PRKAR2B: variants seen among roughly 807,000 people sequenced by gnomAD.
The protein encoded by PRKAR2B is protein kinase cAMP-dependent type II regulatory subunit beta, also known as cAMP-dependent protein kinase type II-beta regulatory subunit.
Under a neutral mutation model 49.9 loss-of-function variants are expected in PRKAR2B, and 14 were observed. That is an observed-to-expected ratio of 0.28 (90% CI 0.19 to 0.44). The LOEUF (loss-of-function observed/expected upper bound fraction) is 0.44, where lower values mean the gene tolerates loss of function less well. Ranked by LOEUF, PRKAR2B falls within the 20% of genes least tolerant of loss-of-function variation. The pLI is 1.00. For missense variants in PRKAR2B, 393 were observed against 537.9 expected (o/e 0.73, Z 2.67); for synonymous variants, 196 against 197.7 (o/e 0.99, Z 0.07).
chr7:107,088,591 TTATTTTATTTTA>T (rs1181176874), intron 2 of PRKAR2B, among the ~76,000 whole-genome samples: 12 of 152,158 alleles, frequency 7.9e-5, no homozygotes, highest in African/African-American at 2.9e-4. Flanking sequence ...CAGTTGGCTT[TTATTTTATTTTA>T]TATTTTATTT....
chr7:107,101,507 A>G (rs1177234965), intron 2 of PRKAR2B, among the ~76,000 whole-genome samples: 3 of 152,232 alleles, frequency 2.0e-5, no homozygotes, highest in Non-Finnish European at 2.9e-5. Context: ...ACTGCCTTCC[A>G]GGCAGCCACG....
rs369709209 is a variant in PRKAR2B, at chr7:107,128,193, A to G, written c.397-19A>G. 4.1e-5 allele frequency: 64 copies of G among 1,556,592 alleles called. No individual in the cohort carries two copies. The African/African-American group carries it at 8.0e-4, about 20-fold the overall frequency. ...GTATTGGCTAATGTCTTTGTTTTTT[A>G]AATCTGATGTCCTTTTAGATTATAC... On this transcript the variant is annotated intron_variant, in intron 3 of 10. Transcript: ENST00000265717.
chr7:107,050,729 C>T (rs1584400050), intron 1 of PRKAR2B, among the ~76,000 whole-genome samples: 2 of 152,078 alleles, frequency 1.3e-5, no homozygotes, highest in African/African-American at 4.8e-5. Context: ...TGGAGAATCA[C>T]AGAAAGTGCT....
At chr7:107,090,145 T>A (rs1404092219) in intron 2 of PRKAR2B, among the ~76,000 whole-genome samples, 1 of 152,162 alleles carries the variant, frequency 6.6e-6, no homozygotes, top group Non-Finnish European at 1.5e-5. Context: ...GGCAGGGGTG[T>A]GGTTCACAGA....
chr7:107,151,442 C>T (rs1795984228), intron 7 of PRKAR2B, among the ~76,000 whole-genome samples: 1 of 152,220 alleles, frequency 6.6e-6, no homozygotes, highest in South Asian at 2.1e-4. Context: ...GCATTCCAGG[C>T]CTCTGTCCTT....
At chr7:107,147,236 G>A (rs897052163) in intron 6 of PRKAR2B, among the ~76,000 whole-genome samples, 8 of 152,104 alleles carry the variant, frequency 5.3e-5, no homozygotes, top group African/African-American at 9.7e-5. Flanking sequence ...GCATGAACCC[G>A]GGAGGCGGAG....
At chr7:107,086,457 A>T (rs1012232973) in intron 2 of PRKAR2B, among the ~76,000 whole-genome samples, 28 of 151,872 alleles carry the variant, frequency 1.8e-4, no homozygotes, top group Admixed American at 9.9e-4. Flanking sequence ...GTTTTTTTTT[A>T]AATTAAAAGT....
intron 2 of PRKAR2B, among the ~76,000 whole-genome samples, chr7:107,071,404 C>T (rs1294373864): frequency 2.0e-5 from 3 of 152,174 alleles, no homozygotes; most frequent in African/African-American, 7.2e-5. Flanking sequence ...GGAATAACAT[C>T]TACTTTATCA....
intron 8 of PRKAR2B, among the ~76,000 whole-genome samples, chr7:107,155,387 C>T (rs957095935): frequency 1.3e-4 from 20 of 152,208 alleles, no homozygotes; most frequent in African/African-American, 4.8e-4. Flanking sequence ...AACCCCATCT[C>T]TAATAAAAAT....
chr7:107,126,606 C>G (rs1795500517), intron 3 of PRKAR2B, among the ~76,000 whole-genome samples: 2 of 152,036 alleles, frequency 1.3e-5, no homozygotes, highest in African/African-American at 2.4e-5. Flanking sequence ...CTCCTCTCCC[C>G]CCTTTCCTTT....
chr7:107,150,801 TATA>T, intron 6 of PRKAR2B, 118 bp from the exon 7 acceptor site: 2 of 583,182 alleles, frequency 3.4e-6, no homozygotes, highest in Non-Finnish European at 6.1e-6. Context: ...GCATTAAAAG[TATA>T]ATGATGTTAA....
At chr7:107,126,420 C>CCA (rs1795493991) in intron 3 of PRKAR2B, among the ~76,000 whole-genome samples, 2 of 38,392 alleles carry the variant, frequency 5.2e-5, no homozygotes, top group African/African-American at 1.0e-4. Context: ...GAATCTGTCT[C>CCA]AAAAAAAAAA....
chr7:107,053,564 GTGTGTC>G (rs1313144666), intron 1 of PRKAR2B, among the ~76,000 whole-genome samples: 2 of 148,252 alleles, frequency 1.3e-5, no homozygotes, highest in African/African-American at 5.1e-5. Flanking sequence ...GTGTGTGTGT[GTGTGTC>G]TTTTTTAAAA....
chr7:107,147,834 T>G (rs1440949394), intron 6 of PRKAR2B, among the ~76,000 whole-genome samples: 1 of 152,252 alleles, frequency 6.6e-6, no homozygotes, highest in Non-Finnish European at 1.5e-5. Flanking sequence ...GAAGTAAATA[T>G]GAAGTCTGTT....
In PRKAR2B at chr7:107,054,071, G is replaced by A. The variant is rs573373570; in HGVS notation, c.307+8857G>A. 5.3e-5 allele frequency among the ~76,000 whole-genome samples: 8 copies of A among 152,260 alleles called. No individual in the cohort carries two copies. The East Asian group carries it at 5.8e-4, about 11-fold the overall frequency. On this transcript the variant is annotated intron_variant, in intron 1 of 10. Coordinates refer to ENST00000265717, the MANE Select transcript of PRKAR2B (RefSeq NM_002736.3). ...AGTAGTAAATAAAACACAGTAGGCC[G>A]TGTGTGGTGGCTCACAGCCTGTAAT...
At position 107,159,852 on chromosome 7, in the gene PRKAR2B, T is replaced by G; in HGVS notation, c.*270T>G. The stretch of plus-strand genomic sequence containing the variant: ...TGACTGAAAGGTTTATTAAAATGAT[T>G]GTAATATATAGAAAGTATCTGTGTT... On this transcript the variant is annotated 3_prime_UTR_variant, in exon 11 of 11. Transcript: ENST00000265717. 2 of 332,134 alleles carry G rather than the reference T, an allele frequency of 6.0e-6. No individual in the cohort carries two copies. Among genetic ancestry groups the G allele is most frequent in the South Asian group, 1.3e-4 (2 of 15,104 alleles). The allele number at this position is 332,134 out of a possible 1,614,324, so 20.6% of individuals were successfully genotyped here. A position where few individuals can be genotyped will look rare whatever the true frequency, so the allele number is the denominator to read the frequency against.
intron 1 of PRKAR2B, among the ~76,000 whole-genome samples, chr7:107,066,249 A>G (rs999855840): frequency 6.6e-6 from 1 of 150,820 alleles, no homozygotes; most frequent in Non-Finnish European, 1.5e-5. Context: ...GGCATACAAT[A>G]TGTTTCCTAT....
At chr7:107,083,285 A>G (rs1344267677) in intron 2 of PRKAR2B, among the ~76,000 whole-genome samples, 2 of 152,072 alleles carry the variant, frequency 1.3e-5, no homozygotes, top group East Asian at 3.8e-4. Flanking sequence ...TTTATCAAGG[A>G]ATACATTTCT....
chr7:107,066,105 G>A (rs1327052577), intron 1 of PRKAR2B, among the ~76,000 whole-genome samples: 1 of 152,186 alleles, frequency 6.6e-6, no homozygotes, highest in African/African-American at 2.4e-5. Flanking sequence ...CTGCAGTAGT[G>A]TTGGGGAGAA....
Sources: allele counts gnomAD v4.1 joint callset (sites outside exome capture counted in the v4.1 genomes callset), GRCh38; gene constraint gnomAD v4.1.1; transcripts MANE v1.5; gene names NCBI Gene and HGNC (gene_info 2026-07-23, HGNC 2026-07-21).